The following OSBP2 variants were observed in gnomAD, a reference collection of about 807,000 sequenced individuals.
OSBP2 encodes oxysterol binding protein 2.
In OSBP2, 66 loss-of-function variants were observed where a neutral mutation model predicts 96.0. The observed-to-expected ratio is 0.69, with a 90% confidence interval of 0.56 to 0.84. The LOEUF is 0.84. Ranked by LOEUF, OSBP2 falls within the 40% of genes least tolerant of loss-of-function variation. The pLI is 0.00. For synonymous variants in OSBP2, 525 were observed against 520.9 expected (o/e 1.01, Z -0.11); for missense variants, 1,038 against 1,222.7 (o/e 0.85, Z 2.25).
intron 2 of OSBP2, among the ~76,000 whole-genome samples, chr22:30,829,445 A>G (rs1025104958): frequency 5.3e-5 from 8 of 152,134 alleles, no homozygotes; most frequent in African/African-American, 1.9e-4. Context: ...GATGCCTGCC[A>G]CCACGCCTGG....
chr22:30,801,735 A>G (rs2090853575), intron 2 of OSBP2, among the ~76,000 whole-genome samples: 1 of 152,108 alleles, frequency 6.6e-6, no homozygotes, highest in Admixed American at 6.5e-5. Context: ...TGCTTTGGGG[A>G]GGCTGAGACA....
At chr22:30,849,984 A>G (rs1259158512) in intron 2 of OSBP2, among the ~76,000 whole-genome samples, 1 of 152,056 alleles carries the variant, frequency 6.6e-6, no homozygotes, top group African/African-American at 2.4e-5. Context: ...TCCTTCATTG[A>G]CTTACCTTGA....
At chr22:30,778,327 A>ACACACACACACC (rs1373129182) in intron 2 of OSBP2, among the ~76,000 whole-genome samples, 2 of 151,516 alleles carry the variant, frequency 1.3e-5, no homozygotes, top group African/African-American at 4.9e-5. Context: ...ACACACACAC[A>ACACACACACACC]CACACACCCA....
At position 30,741,429 on chromosome 22, in the gene OSBP2, G is replaced by C. The variant is rs2089936198; in HGVS notation, c.853+60G>C. 6 of 1,423,046 alleles carry C rather than the reference G, an allele frequency of 4.2e-6. No homozygotes were observed. In the Admixed American group the frequency reaches 1.2e-4, roughly 28 times the overall value. The allele number at this position is 1,423,046 out of a possible 1,614,324, so 88.2% of individuals were successfully genotyped here. ...GTGGTGTCATGAGTCTGGAGGAAGT[G>C]GGAATTGCAAGCCACTGGTGGGCAG... On this transcript the variant is annotated intron_variant, in intron 2 of 13. Coordinates refer to ENST00000332585, the MANE Select transcript of OSBP2 (RefSeq NM_030758.4).
chr22:30,701,366 C>T (rs2089159702), intron 1 of OSBP2, among the ~76,000 whole-genome samples: 1 of 124,704 alleles, frequency 8.0e-6, no homozygotes, highest in Admixed American at 1.0e-4. Flanking sequence ...TTTTTTGAGA[C>T]AGAGTCTCGC....
chr22:30,817,372 G>A (rs1052715175), intron 2 of OSBP2, among the ~76,000 whole-genome samples: 2 of 152,224 alleles, frequency 1.3e-5, no homozygotes, highest in Non-Finnish European at 2.9e-5. Context: ...ATGAGCCCAA[G>A]GCCAGGAGGG....
intron 2 of OSBP2, among the ~76,000 whole-genome samples, chr22:30,774,758 A>G (rs1286993150): frequency 2.0e-5 from 3 of 152,236 alleles, no homozygotes; most frequent in Non-Finnish European, 4.4e-5. Flanking sequence ...TGGATATTCC[A>G]TGTCAATGAG....
intron 2 of OSBP2, among the ~76,000 whole-genome samples, chr22:30,772,613 G>A (rs1218767826): frequency 6.6e-6 from 1 of 152,144 alleles, no homozygotes; most frequent in Non-Finnish European, 1.5e-5. Flanking sequence ...GGCTCTGGGC[G>A]AGCCTGGGAC....
At chr22:30,868,322 G>A (rs1344983617) in intron 2 of OSBP2, among the ~76,000 whole-genome samples, 2 of 152,248 alleles carry the variant, frequency 1.3e-5, no homozygotes, top group Non-Finnish European at 2.9e-5. Flanking sequence ...CCTGCAGGGA[G>A]GGAAGAATAG....
chr22:30,701,453 C>T (rs1298128947), intron 1 of OSBP2, among the ~76,000 whole-genome samples: 1 of 150,218 alleles, frequency 6.7e-6, no homozygotes, highest in Non-Finnish European at 1.5e-5. Flanking sequence ...ATGCTATTCT[C>T]CTGCCTCAGC....
intron 2 of OSBP2, among the ~76,000 whole-genome samples, chr22:30,774,833 A>G (rs1362294578): frequency 1.3e-5 from 2 of 152,256 alleles, no homozygotes; most frequent in Non-Finnish European, 2.9e-5. Flanking sequence ...AGGGCATTCA[A>G]TAGATAATAA....
chr22:30,705,933 T>C (rs1477965927), intron 1 of OSBP2, among the ~76,000 whole-genome samples: 1 of 152,122 alleles, frequency 6.6e-6, no homozygotes, highest in African/African-American at 2.4e-5. Context: ...CCCTGGATAT[T>C]CAAACATGTG....
chr22:30,789,166 T>C (rs911397623), intron 2 of OSBP2, among the ~76,000 whole-genome samples: 1 of 152,170 alleles, frequency 6.6e-6, no homozygotes, highest in Non-Finnish European at 1.5e-5. Context: ...GAATAGGAAA[T>C]GCTTGCTCCT....
intron 2 of OSBP2, among the ~76,000 whole-genome samples, chr22:30,792,289 G>A (rs1003263395): frequency 2.6e-5 from 4 of 151,896 alleles, no homozygotes; most frequent in African/African-American, 9.7e-5. Context: ...CTCCAGCCTG[G>A]GCGACAGAGC....
At chr22:30,719,615 G>A (rs1326244797) in intron 1 of OSBP2, among the ~76,000 whole-genome samples, 3 of 151,864 alleles carry the variant, frequency 2.0e-5, no homozygotes, top group African/African-American at 7.3e-5. Context: ...TAAGCCGGGA[G>A]TGGTGGCGCA....
chr22:30,864,593 CT>C (rs1227138440), intron 2 of OSBP2, among the ~76,000 whole-genome samples: 1 of 152,094 alleles, frequency 6.6e-6, no homozygotes, highest in Non-Finnish European at 1.5e-5. Context: ...TCTGAATGTC[CT>C]TCCCCGCCCA....
intron 8 of OSBP2, among the ~76,000 whole-genome samples, chr22:30,892,796 G>A (rs960620485): frequency 2.0e-5 from 3 of 152,096 alleles, no homozygotes. Flanking sequence ...TGGAACCTTC[G>A]GCATAGTGTG....
intron 12 of OSBP2, among the ~76,000 whole-genome samples, chr22:30,900,078 G>A (rs190093721): frequency 0.011 from 1,620 of 152,208 alleles, 23 homozygotes; most frequent in African/African-American, 0.036. Flanking sequence ...GACCAACATG[G>A]AGAAACCCCA....
chr22:30,791,891 G>A (rs970459678), intron 2 of OSBP2, among the ~76,000 whole-genome samples: 1 of 152,056 alleles, frequency 6.6e-6, no homozygotes, highest in African/African-American at 2.4e-5. Context: ...ACATCAGTGG[G>A]TATACAGATT....
Sources: allele counts gnomAD v4.1 joint callset (sites outside exome capture counted in the v4.1 genomes callset), GRCh38; gene constraint gnomAD v4.1.1; transcripts MANE v1.5; gene names NCBI Gene and HGNC (gene_info 2026-07-23, HGNC 2026-07-21).